The following ZSWIM6 variants were observed in gnomAD, a reference collection of about 807,000 sequenced individuals.
ZSWIM6 encodes the protein zinc finger SWIM domain-containing protein 6.
ZSWIM6 carries 9 observed loss-of-function variants against 113.2 expected under a neutral mutation model. The observed-to-expected ratio is 0.08, with a 90% CI of 0.05 to 0.14. The LOEUF is 0.14. ZSWIM6 is among the 10% of genes least tolerant of loss of function. The probability of loss-of-function intolerance (pLI) is 1.00; values close to 1 mark genes in which losing one functional copy is unlikely to be tolerated. For missense variants in ZSWIM6, 1,162 were observed against 1,552.2 expected (o/e 0.75, Z 4.22); for synonymous variants, 611 against 606.5 (o/e 1.01, Z -0.11).
At chr5:61,333,396 C>G (rs922508512) in intron 1 of ZSWIM6, among the ~76,000 whole-genome samples, 5 of 151,764 alleles carry the variant, frequency 3.3e-5, no homozygotes, top group African/African-American at 1.2e-4. Context: ...GGCCCGGCCG[C>G]TCGGCGCTCC....
At chr5:61,529,485 T>C (rs1236326391) in intron 7 of ZSWIM6, among the ~76,000 whole-genome samples, 1 of 152,218 alleles carries the variant, frequency 6.6e-6, no homozygotes, top group African/African-American at 2.4e-5. Context: ...CATAAGGTGA[T>C]GGGGGTAATT....
intron 1 of ZSWIM6, among the ~76,000 whole-genome samples, chr5:61,423,433 A>G (rs1412718414): frequency 6.6e-6 from 1 of 151,782 alleles, no homozygotes; most frequent in Non-Finnish European, 1.5e-5. Flanking sequence ...AAAAAAAAAC[A>G]AAACGGCAAC....
intron 1 of ZSWIM6, among the ~76,000 whole-genome samples, chr5:61,379,734 A>T (rs149098685): frequency 6.6e-6 from 1 of 152,312 alleles, no homozygotes; most frequent in East Asian, 1.9e-4. Flanking sequence ...AAGCAGAACG[A>T]ACCTTCCTAT....
In ZSWIM6 at chr5:61,478,083, A is replaced by G. The variant is rs575733938; in HGVS notation, c.1033+5046A>G. On this transcript the variant is annotated intron_variant, in intron 2 of 13. Transcript: ENST00000252744. ...GTTTTTGCAGGTATCCTAGGGAGGT[A>G]ATTTGATTATTACTATCATACCCTT... 3.9e-5 allele frequency among the ~76,000 whole-genome samples: 6 copies of G among 152,274 alleles called. No individual in the cohort carries two copies. In the South Asian group the frequency reaches 6.2e-4, roughly 16 times the overall value.
intron 1 of ZSWIM6, among the ~76,000 whole-genome samples, chr5:61,397,972 T>C (rs1162905899): frequency 1.3e-5 from 2 of 152,240 alleles, no homozygotes; most frequent in African/African-American, 2.4e-5. Flanking sequence ...ATACTTAGTC[T>C]TCCCTGCTGT....
At chr5:61,470,806 G>T (rs1465010379) in intron 1 of ZSWIM6, among the ~76,000 whole-genome samples, 1 of 152,182 alleles carries the variant, frequency 6.6e-6, no homozygotes, top group Non-Finnish European at 1.5e-5. Flanking sequence ...ATTGGATAAA[G>T]ATTATTGCAG....
At chr5:61,361,800 C>T (rs897863594) in intron 1 of ZSWIM6, among the ~76,000 whole-genome samples, 1 of 152,132 alleles carries the variant, frequency 6.6e-6, no homozygotes, top group African/African-American at 2.4e-5. Flanking sequence ...GCATTTGCTC[C>T]CAGGTTATTA....
At chr5:61,468,463 A>T (rs979331929) in intron 1 of ZSWIM6, among the ~76,000 whole-genome samples, 2 of 152,180 alleles carry the variant, frequency 1.3e-5, no homozygotes, top group African/African-American at 4.8e-5. Flanking sequence ...TCTACAGTTA[A>T]TTATCTGTGT....
chr5:61,362,937 A>G lies in ZSWIM6; in HGVS notation c.676+29989A>G, dbSNP rs187122047. On this transcript the variant is annotated intron_variant, in intron 1 of 13. Coordinates refer to ENST00000252744, the MANE Select transcript of ZSWIM6 (RefSeq NM_020928.2). ...TTTTCACAAGACAAGACTTATCCCT[A>G]AAACATGCCATGCTTGCTGATGTTC... Among the ~76,000 whole-genome samples the G allele has an allele frequency of 1.7e-3, 263 of 152,362 alleles. 1 individual carries two copies. Among genetic ancestry groups the G allele is most frequent in the Non-Finnish European group, 3.1e-3 (209 of 68,032 alleles).
chr5:61,515,538 A>G (rs143655241), intron 4 of ZSWIM6, among the ~76,000 whole-genome samples: 1 of 152,126 alleles, frequency 6.6e-6, no homozygotes, highest in African/African-American at 2.4e-5. Flanking sequence ...TACTCCTGCG[A>G]TAACTGACCC....
intron 1 of ZSWIM6, among the ~76,000 whole-genome samples, chr5:61,348,884 G>C (rs1744724668): frequency 6.6e-6 from 1 of 152,140 alleles, no homozygotes; most frequent in African/African-American, 2.4e-5. Context: ...AATCCCTTCT[G>C]TAAGGGATTG....
chr5:61,528,957 A>G (rs1039011604), intron 7 of ZSWIM6, among the ~76,000 whole-genome samples: 4 of 152,222 alleles, frequency 2.6e-5, no homozygotes, highest in Non-Finnish European at 5.9e-5. Flanking sequence ...CATTGGATTC[A>G]TGGAATGGCT....
chr5:61,448,204 AGT>A (rs1200453484), intron 1 of ZSWIM6, among the ~76,000 whole-genome samples: 1 of 152,220 alleles, frequency 6.6e-6, no homozygotes, highest in Non-Finnish European at 1.5e-5. Flanking sequence ...CAGTTTCCAT[AGT>A]GCATTAGCAT....
At chr5:61,393,023 A>G (rs1276371676) in intron 1 of ZSWIM6, among the ~76,000 whole-genome samples, 2 of 151,556 alleles carry the variant, frequency 1.3e-5, no homozygotes. Context: ...CTGTTTCTCA[A>G]TACCTTTTTA....
chr5:61,420,863 T>C (rs1448787748), intron 1 of ZSWIM6, among the ~76,000 whole-genome samples: 1 of 152,104 alleles, frequency 6.6e-6, no homozygotes, highest in Non-Finnish European at 1.5e-5. Flanking sequence ...ATTAAATTAT[T>C]TTTGACTATA....
chr5:61,456,897 T>C (rs975038231), intron 1 of ZSWIM6, among the ~76,000 whole-genome samples: 1 of 127,188 alleles, frequency 7.9e-6, no homozygotes, highest in Non-Finnish European at 1.7e-5. Flanking sequence ...TTTCTTTTTT[T>C]TTTTTCTTTT....
intron 1 of ZSWIM6, among the ~76,000 whole-genome samples, chr5:61,342,008 T>C (rs1170534200): frequency 6.6e-6 from 1 of 151,530 alleles, no homozygotes; most frequent in African/African-American, 2.4e-5. Context: ...GCCTCCTGAG[T>C]AGCTGGGATT....
At chr5:61,363,816 G>C (rs577913902) in intron 1 of ZSWIM6, among the ~76,000 whole-genome samples, 68 of 151,974 alleles carry the variant, frequency 4.5e-4, no homozygotes, top group Admixed American at 8.5e-4. Flanking sequence ...CTGTAGGATA[G>C]TTTGTTTCCT....
chr5:61,474,845 C>G (rs1424413149), intron 2 of ZSWIM6, among the ~76,000 whole-genome samples: 2 of 152,156 alleles, frequency 1.3e-5, no homozygotes, highest in African/African-American at 2.4e-5. Flanking sequence ...CAGAGGAAAT[C>G]TACATAGTTG....
Sources: allele counts gnomAD v4.1 joint callset (sites outside exome capture counted in the v4.1 genomes callset), GRCh38; gene constraint gnomAD v4.1.1; transcripts MANE v1.5; gene names NCBI Gene and HGNC (gene_info 2026-07-23, HGNC 2026-07-21).